Variants in CUBN observed in about 807,000 individuals in gnomAD.
CUBN encodes 460 kDa receptor.
In CUBN, 282 loss-of-function variants were observed where a neutral mutation model predicts 405.3. The observed-to-expected ratio is 0.70, with a 90% CI of 0.63 to 0.77. The LOEUF is 0.77. Ranked by LOEUF, CUBN falls within the 30% of genes least tolerant of loss-of-function variation. The pLI, the probability that CUBN is intolerant of heterozygous loss-of-function variation, is 0.00. For missense variants in CUBN, 4,514 were observed against 4,475.2 expected, an observed-to-expected ratio of 1.01 and a Z score of -0.25; for synonymous variants, 1,684 against 1,617.0, an observed-to-expected ratio of 1.04 and a Z score of -0.99.
intron 27 of CUBN, among the ~76,000 whole-genome samples, chr10:17,028,409 A>T (rs539998249): frequency 9.2e-5 from 14 of 152,124 alleles, no homozygotes; most frequent in Non-Finnish European, 1.6e-4. Flanking sequence ...CAGTGAGATC[A>T]GGAAAAGAAA....
In CUBN at chr10:16,918,783, A is replaced by G. The variant is rs1300997203; in HGVS notation, c.6839T>C (p.Leu2280Pro). ...EVTPNCTSNYLELRDGVDSDA... is the reference protein window; with the variant it reads ...EVTPNCTSNYPELRDGVDSDA... ...CGAATCCACTCCATCCCGCAACTCA[A>G]GGTAGTTGGAAGTACAGCTGAAGTG... Residue 2280 changes from leucine (L) to proline (P), a missense_variant, in exon 45 of 67, where the codon CTT becomes CCT. Coordinates refer to ENST00000377833, the MANE Select transcript of CUBN (RefSeq NM_001081.4). 2.5e-6 allele frequency: 4 copies of G among 1,613,616 alleles called. No individual in the cohort carries two copies. Among genetic ancestry groups the G allele is most frequent in the Admixed American group, 1.7e-5 (1 of 59,976 alleles).
chr10:16,990,472 G>A lies in CUBN; in HGVS notation c.4212C>T (p.Ser1404=), dbSNP rs544694254. The change falls in exon 29 of 67, where the codon AGC becomes AGT. Residue 1404 remains serine (S), a synonymous_variant. Transcript: ENST00000377833. ...GTGGATACCTGTTGGGGAACCCGGG[G>A]CTGCTGAAGGAGCCTGTGGCCCCAG... ...ELSGATGSFS[S]PGFPNRYPPN... 195 of 1,614,168 alleles carry A rather than the reference G, an allele frequency of 1.2e-4. 3 individuals are homozygous for A. In the South Asian group the frequency reaches 2.0e-3, roughly 17 times the overall value.
Position 17,115,382 on chromosome 10 carries a change from G to A in CUBN, c.720+89C>T, listed in dbSNP as rs1195307963. ...AGTGACTTCACCTCTGTAAGCTCCA[G>A]GTAGTGCTTGTATGCAGTGGGCATA... is the stretch of plus-strand genomic sequence containing the variant. On this transcript the variant is annotated intron_variant, in intron 7 of 66. Coordinates refer to ENST00000377833, the MANE Select transcript of CUBN (RefSeq NM_001081.4). 6.5e-6 allele frequency: 10 copies of A among 1,540,492 alleles called. 1 individual carries two copies. The Admixed American group carries it at 1.7e-4, about 26-fold the overall frequency.
chr10:16,936,736 G>A (rs562517046), intron 39 of CUBN, among the ~76,000 whole-genome samples: 11 of 152,128 alleles, frequency 7.2e-5, no homozygotes, highest in African/African-American at 1.9e-4. Context: ...TTTTCGAAAC[G>A]GAGTCTCACT....
chr10:16,904,265 C>G, intron 50 of CUBN, 150 bp from the exon 51 acceptor site: 1 of 776,258 alleles, frequency 1.3e-6, no homozygotes, highest in Middle Eastern at 2.6e-4. Context: ...TTGTGTGTCT[C>G]TGTTAACTGC....
At chr10:17,020,366 T>G (rs1834457408) in intron 27 of CUBN, among the ~76,000 whole-genome samples, 1 of 152,180 alleles carries the variant, frequency 6.6e-6, no homozygotes, top group Non-Finnish European at 1.5e-5. Context: ...AAAAATATTT[T>G]TAAATGTTTA....
chr10:16,930,943 A>C (rs1483449931), intron 40 of CUBN, among the ~76,000 whole-genome samples: 1 of 152,174 alleles, frequency 6.6e-6, no homozygotes, highest in Non-Finnish European at 1.5e-5. Flanking sequence ...CAAAGAACAA[A>C]TAATTGAAGT....
intron 9 of CUBN, 33 bp downstream of exon 9, chr10:17,110,886 G>A: frequency 6.2e-7 from 1 of 1,614,068 alleles, no homozygotes; most frequent in Non-Finnish European, 8.5e-7. Context: ...CCTGTGCTGG[G>A]GTCAGGAGGT....
At chr10:17,072,923 A>G (rs1835773279) in intron 17 of CUBN, among the ~76,000 whole-genome samples, 1 of 152,196 alleles carries the variant, frequency 6.6e-6, no homozygotes, top group South Asian at 2.1e-4. Context: ...ATAAGTCATA[A>G]ATAAAATTGA....
At chr10:16,878,058 C>A (rs549865555) in intron 56 of CUBN, among the ~76,000 whole-genome samples, 24 of 152,304 alleles carry the variant, frequency 1.6e-4, no homozygotes, top group African/African-American at 4.8e-4. Flanking sequence ...GAGGCCTAGG[C>A]GGGCGGATCA....
chr10:16,947,406 G>C (rs781556789), intron 35 of CUBN, 39 bp from the exon 36 acceptor site: 94 of 1,606,938 alleles, frequency 5.8e-5, no homozygotes, highest in Non-Finnish European at 7.8e-5. Context: ...TCAGAGCAAA[G>C]ACTGCATCAG....
chr10:16,888,909 T>C (rs1840908416), intron 55 of CUBN, among the ~76,000 whole-genome samples: 2 of 152,142 alleles, frequency 1.3e-5, no homozygotes, highest in South Asian at 4.1e-4. Context: ...ATAAAACAGA[T>C]AAAAAATGAT....
intron 28 of CUBN, among the ~76,000 whole-genome samples, chr10:17,006,202 G>A (rs7087834): frequency 0.26 from 39,355 of 152,094 alleles, 5,800 homozygotes; most frequent in East Asian, 0.41. Flanking sequence ...CCCAAAATAT[G>A]TGCTGGATGG....
chr10:17,046,977 T>C (rs1835150171), intron 23 of CUBN, among the ~76,000 whole-genome samples: 1 of 152,210 alleles, frequency 6.6e-6, no homozygotes, highest in Non-Finnish European at 1.5e-5. Context: ...TAGACTTTTA[T>C]TACCTGAACA....
intron 31 of CUBN, among the ~76,000 whole-genome samples, chr10:16,955,727 C>A (rs756152386): frequency 6.6e-6 from 1 of 152,140 alleles, no homozygotes; most frequent in Non-Finnish European, 1.5e-5. Flanking sequence ...CCCATTTTAT[C>A]CTCCCAAATT....
At chr10:16,986,938 A>G (rs1250218630) in intron 29 of CUBN, among the ~76,000 whole-genome samples, 1 of 152,172 alleles carries the variant, frequency 6.6e-6, no homozygotes, top group South Asian at 2.1e-4. Context: ...TGAGATCACA[A>G]ACATAATGGG....
At chr10:16,908,741 CATTG>C (rs1292598503) in intron 48 of CUBN, among the ~76,000 whole-genome samples, 2 of 152,094 alleles carry the variant, frequency 1.3e-5, no homozygotes, top group African/African-American at 4.8e-5. Context: ...AACAATAATT[CATTG>C]ATTGAATGGT....
intron 28 of CUBN, among the ~76,000 whole-genome samples, chr10:16,994,396 A>G (rs977083082): frequency 6.6e-6 from 1 of 152,208 alleles, no homozygotes; most frequent in African/African-American, 2.4e-5. Context: ...ATAAGTTTTT[A>G]TTTGAAGAAA....
At chr10:16,949,101 A>G (rs1295313339) in intron 34 of CUBN, among the ~76,000 whole-genome samples, 1 of 152,120 alleles carries the variant, frequency 6.6e-6, no homozygotes. Context: ...AAATAATGAA[A>G]CCTATCTCAT....
Sources: gnomAD v4.1 joint callset for allele counts (sites outside exome capture counted in the v4.1 genomes callset) on GRCh38, gnomAD v4.1.1 for gene constraint, MANE v1.5 for transcripts, NCBI Gene and HGNC (gene_info 2026-07-23, HGNC 2026-07-21) for gene names.